The following APOL5 variants were observed in gnomAD, a reference collection of about 807,000 sequenced individuals.
APOL5 encodes apolipoprotein L5.
In APOL5, 29 loss-of-function variants were observed where a neutral mutation model predicts 35.5. The observed-to-expected ratio is 0.82, with a 90% CI of 0.61 to 1.11. APOL5 has a LOEUF of 1.11. APOL5 is among the 50% of genes most tolerant of loss of function. The pLI is 0.00. For missense variants in APOL5, 514 were observed against 530.4 expected, an observed-to-expected ratio of 0.97 and a Z score of 0.30; for synonymous variants, 188 against 200.2, an observed-to-expected ratio of 0.94 and a Z score of 0.51.
At chr22:35,714,779 C>A (rs1926693272), upstream of APOL5, among the ~76,000 whole-genome samples, 1 of 152,166 alleles carries the variant, frequency 6.6e-6, no homozygotes, top group East Asian at 1.9e-4. Context: ...AGAGAGGAGG[C>A]AGGAGAGAGG....
intron 2 of APOL5, among the ~76,000 whole-genome samples, chr22:35,723,061 C>T (rs185901798): frequency 6.6e-6 from 1 of 152,244 alleles, no homozygotes; most frequent in Admixed American, 6.5e-5. Context: ...CCGCTTCCTC[C>T]AGGAGGGAGG....
chr22:35,712,101 G>A, the APOL5 span, among the ~76,000 whole-genome samples: 11 of 152,110 alleles, frequency 7.2e-5, no homozygotes, highest in Admixed American at 2.0e-4. Flanking sequence ...CAACCTCCTG[G>A]GCTCAAGTGA....
At chr22:35,720,714 T>A in intron 2 of APOL5, 60 bp downstream of exon 2, 3 of 1,218,178 alleles carry the variant, frequency 2.5e-6, no homozygotes, top group Non-Finnish European at 3.6e-6. Flanking sequence ...CAAAACAGTG[T>A]CTGTCACAGA....
chr22:35,728,327 C>G (rs1417930847), intron 3 of APOL5, among the ~76,000 whole-genome samples: 1 of 152,146 alleles, frequency 6.6e-6, no homozygotes, highest in Non-Finnish European at 1.5e-5. Context: ...GGGTTCACGC[C>G]ATTCTCCTGC....
At chr22:35,709,584 T>A in the APOL5 span, among the ~76,000 whole-genome samples, 2 of 152,230 alleles carry the variant, frequency 1.3e-5, no homozygotes, top group Non-Finnish European at 2.9e-5. Context: ...TGGGACCTAG[T>A]GTGCTCTTTT....
chr22:35,725,799 A>G (rs1278759966), intron 2 of APOL5, among the ~76,000 whole-genome samples: 1 of 152,140 alleles, frequency 6.6e-6, no homozygotes, highest in Non-Finnish European at 1.5e-5. Context: ...TACAATAGTG[A>G]TGTTATCTCG....
At chr22:35,729,016 G>A (rs2146008519) in intron 4 of APOL5, 112 bp downstream of exon 4, 1 of 1,235,068 alleles carries the variant, frequency 8.1e-7, no homozygotes, top group East Asian at 3.0e-5. Flanking sequence ...CGGGGACAGA[G>A]GTTGTTGCTA....
Position 35,721,789 on chromosome 22 carries a change from C to A in APOL5, c.142+1135C>A, listed in dbSNP as rs1220601003. On this transcript the variant is annotated intron_variant, in intron 2 of 4. Transcript: ENST00000249044. The stretch of plus-strand genomic sequence containing the variant: ...CCTTGGCCTGGGCATTCAGACTCTC[C>A]CACAGAGCTCAGCTGCAGCAATAGA... 2.0e-5 allele frequency among the ~76,000 whole-genome samples: 3 copies of A among 152,260 alleles called. No homozygotes were observed. In the East Asian group the frequency reaches 5.8e-4, roughly 29 times the overall value.
chr22:35,717,255 T>TATATATATATATATATATATA (rs1167745529), upstream of APOL5, among the ~76,000 whole-genome samples: 6 of 123,134 alleles, frequency 4.9e-5, no homozygotes, highest in African/African-American at 1.2e-4. Flanking sequence ...TATATATATA[T>TATATATATATATATATATATA]TAGCTGGGTG....
At chr22:35,709,344 A>C in the APOL5 span, among the ~76,000 whole-genome samples, 4 of 151,196 alleles carry the variant, frequency 2.6e-5, no homozygotes, top group African/African-American at 9.7e-5. Flanking sequence ...AAATCATACT[A>C]AGGTATAAAA....
rs66570810 is a variant in APOL5, at chr22:35,720,447, C to CTAACTT, written c.56-120_56-119insAACTTT. ...GAGACATTAAGATTTTTGTTGTATT[C>CTAACTT]TTTTTTTTTTCTAATTCTCCAATAT... is the stretch of plus-strand genomic sequence containing the variant. On this transcript the variant is annotated intron_variant, in intron 1 of 4. Transcript: ENST00000249044. 5,247 of 615,252 alleles carry CTAACTT rather than the reference C, an allele frequency of 8.5e-3. 160 individuals carry two copies. In the African/African-American group the frequency reaches 0.11, roughly 13 times the overall value. 38.1% of individuals were successfully genotyped at this position (615,252 alleles called of 1,614,324 possible).
upstream of APOL5, among the ~76,000 whole-genome samples, chr22:35,716,747 A>AC (rs1295903160): frequency 1.4e-5 from 1 of 71,636 alleles, no homozygotes; most frequent in African/African-American, 8.1e-5. Context: ...CATATATAGT[A>AC]CTTAAAAAAA....
rs1253686098 is a variant in APOL5 at position 35,726,555 on chromosome 22, G to A, written c.487G>A (p.Ala163Thr). The part of the protein sequence containing the change: ...ILGLALAPVT[A>T]GGSLMLSATG... ...GGGTTTGGCCCTAGCACCTGTGACA[G>A]CAGGAGGCAGTCTCATGCTCTCAGC... The change falls in exon 3 of 5, where the codon GCA becomes ACA. Residue 163 changes from alanine (A) to threonine (T), a missense_variant. Physicochemically the swap from Ala to Thr is moderately conservative, Grantham distance 58. Coordinates refer to ENST00000249044, the MANE Select transcript of APOL5 (RefSeq NM_030642.1). 1.2e-6 allele frequency: 2 copies of A among 1,614,178 alleles called. No homozygotes were observed. Among genetic ancestry groups the A allele is most frequent in the Non-Finnish European group, 1.7e-6 (2 of 1,180,026 alleles).
chr22:35,717,759 A>T, upstream of APOL5: 1 of 407,696 alleles, frequency 2.5e-6, no homozygotes, highest in Non-Finnish European at 3.6e-6. Context: ...AAAAAGAAAG[A>T]AAAGAAAAGA....
chr22:35,722,592 C>A lies in APOL5; in HGVS notation c.142+1938C>A, dbSNP rs528685424. Reference sequence around the variant, plus strand: ...CTGGGATTACAGGCATGAGCCACTGCGCCCGGCCCTAGGTTCTTACCCTAA... The same window carrying A: ...CTGGGATTACAGGCATGAGCCACTGAGCCCGGCCCTAGGTTCTTACCCTAA... On this transcript the variant is annotated intron_variant, in intron 2 of 4. Transcript: ENST00000249044. Among the ~76,000 whole-genome samples the A allele has an allele frequency of 4.6e-5, 7 of 152,282 alleles. No individual in the cohort carries two copies. The East Asian group carries it at 1.4e-3, about 29-fold the overall frequency.
intron 2 of APOL5, among the ~76,000 whole-genome samples, chr22:35,724,765 C>T (rs893621059): frequency 3.9e-5 from 6 of 152,164 alleles, no homozygotes; most frequent in Admixed American, 1.3e-4. Flanking sequence ...CGCCCACTAC[C>T]GTGCCTGGCT....
Position 35,726,377 on chromosome 22 carries a change from C to T in APOL5, c.309C>T (p.Leu103=), listed in dbSNP as rs1927155235. The part of the protein sequence containing the change: ...GNLSEEEKLF[L]SYFPLHKFEL... The stretch of plus-strand genomic sequence containing the variant: ...TGTCAGAGGAGGAAAAATTGTTTCT[C>T]TCATATTTTCCTTTGCACAAGTTTG... The change falls in exon 3 of 5, where the codon CTC becomes CTT. Residue 103 remains leucine (L), a synonymous_variant. Transcript: ENST00000249044. 6.2e-7 allele frequency: 1 copy of T among 1,614,128 alleles called. No homozygotes were observed.
chr22:35,712,700 T>C, the APOL5 span, among the ~76,000 whole-genome samples: 18 of 152,198 alleles, frequency 1.2e-4, no homozygotes, highest in African/African-American at 4.3e-4. Context: ...CTTCTTTTCA[T>C]GGACCAGCTA....
chr22:35,708,581 A>G, the APOL5 span, among the ~76,000 whole-genome samples: 1 of 152,188 alleles, frequency 6.6e-6, no homozygotes, highest in Non-Finnish European at 1.5e-5. Context: ...TCAGGATCAC[A>G]TCTGTGCTCT....
Sources: allele counts gnomAD v4.1 joint callset (sites outside exome capture counted in the v4.1 genomes callset), GRCh38; gene constraint gnomAD v4.1.1; transcripts MANE v1.5; gene names NCBI Gene and HGNC (gene_info 2026-07-23, HGNC 2026-07-21).